KCNA3: variants seen among roughly 807,000 people sequenced by gnomAD.
KCNA3 encodes RP11-284N8.3.
In KCNA3, 18 loss-of-function variants were observed where a neutral mutation model predicts 34.3. That is an observed-to-expected ratio of 0.52 (90% CI 0.36 to 0.78). The LOEUF (loss-of-function observed/expected upper bound fraction) is 0.78, where lower values mean the gene tolerates loss of function less well. Among genes scored for constraint, KCNA3 ranks in the 30% least tolerant of loss-of-function variants. The pLI is 0.00. For synonymous variants in KCNA3, 324 were observed against 351.7 expected, an observed-to-expected ratio of 0.92 and a Z score of 0.88; for missense variants, 587 against 802.5, an observed-to-expected ratio of 0.73 and a Z score of 3.24.
chr1:110,659,271 C>T, the KCNA3 span, among the ~76,000 whole-genome samples: 16 of 151,474 alleles, frequency 1.1e-4, no homozygotes, highest in African/African-American at 2.4e-4. Context: ...TTGGATGATT[C>T]GATTTCATCA....
chr1:110,658,166 A>G, the KCNA3 span, among the ~76,000 whole-genome samples: 2 of 152,152 alleles, frequency 1.3e-5, no homozygotes, highest in East Asian at 3.8e-4. Flanking sequence ...TGTATCTCTT[A>G]TTTATCTATC....
chr1:110,661,774 T>A, the KCNA3 span, among the ~76,000 whole-genome samples: 1 of 151,948 alleles, frequency 6.6e-6, no homozygotes, highest in Non-Finnish European at 1.5e-5. Flanking sequence ...GAGGGGGTGG[T>A]AATTCAACGA....
chr1:110,661,917 G>T, the KCNA3 span, among the ~76,000 whole-genome samples: 1 of 151,956 alleles, frequency 6.6e-6, no homozygotes, highest in East Asian at 1.9e-4. Context: ...GACCATCTTG[G>T]CTAACAGGGT....
Position 110,674,310 on chromosome 1 carries a change from C to T in KCNA3, c.500G>A (p.Gly167Asp). The T allele has an allele frequency of 6.2e-7, 1 of 1,614,162 alleles. No individual in the cohort carries two copies. Among genetic ancestry groups the T allele is most frequent in the Non-Finnish European group, 8.5e-7 (1 of 1,180,026 alleles). Residue 167 changes from glycine (G) to aspartate (D), a missense_variant, in exon 1 of 1, where the codon GGC (glycine) becomes GAC (aspartate). Gly to Asp is a moderately conservative substitution (Grantham distance 94). This residue lies in a region of KCNA3 where 341 missense variants were observed against 355.4 expected (regional missense o/e 0.96). Transcript: ENST00000369769. This position sits in a 1 kb window ranked among gnomAD's most constrained non-coding sequence, Gnocchi z 6.4. ...DAILYYYQSG[G>D]RIRRPVNVPI... ...CACGTTGACCGGCCGGCGGATGCGG[C>T]CCCCGGACTGATAGTAGTAGAGGAT...
downstream of KCNA3, among the ~76,000 whole-genome samples, chr1:110,671,890 T>C (rs1165934456): frequency 6.6e-6 from 1 of 152,244 alleles, no homozygotes; most frequent in Non-Finnish European, 1.5e-5. Flanking sequence ...CATGCCTTAT[T>C]GTGGTTAATA....
the KCNA3 span, among the ~76,000 whole-genome samples, chr1:110,662,385 A>G: frequency 6.6e-6 from 1 of 151,096 alleles, no homozygotes; most frequent in African/African-American, 2.4e-5. Flanking sequence ...TGAAAGAAGT[A>G]CAGAAACCTA....
the KCNA3 span, among the ~76,000 whole-genome samples, chr1:110,663,676 T>C: frequency 6.6e-6 from 1 of 152,202 alleles, no homozygotes; most frequent in Non-Finnish European, 1.5e-5. Flanking sequence ...CTTTAGTTAG[T>C]TTCAGTCATT....
the KCNA3 span, among the ~76,000 whole-genome samples, chr1:110,667,197 C>T: frequency 6.6e-6 from 1 of 151,996 alleles, no homozygotes; most frequent in Non-Finnish European, 1.5e-5. Context: ...CTATAATGAA[C>T]AGAAGTTTAA....
the KCNA3 span, among the ~76,000 whole-genome samples, chr1:110,663,097 C>T: frequency 6.6e-6 from 1 of 152,036 alleles, no homozygotes; most frequent in Non-Finnish European, 1.5e-5. Context: ...GAGGTAAATA[C>T]AAAATGTAAT....
rs1166888730 is a variant in KCNA3 at position 110,672,868 on chromosome 1, G to A, written c.*214C>T. The A allele has an allele frequency of 1.8e-6, 1 of 557,966 alleles. No homozygotes were observed. The highest frequency in any genetic ancestry group is 3.3e-5 in the Admixed American group (1 of 30,358). The allele number at this position is 557,966 out of a possible 1,614,324, so 34.6% of individuals were successfully genotyped here. A position where few individuals can be genotyped will look rare whatever the true frequency, so the allele number is the denominator to read the frequency against. On this transcript the variant is annotated 3_prime_UTR_variant, in exon 1 of 1. Transcript: ENST00000369769. ...CAATGTTAAGAGAGAGAGGGTAAGA[G>A]GGAAAAGGAGAGCTGAGAGAATGCA...
the KCNA3 span, among the ~76,000 whole-genome samples, chr1:110,665,886 A>G: frequency 6.6e-6 from 1 of 152,178 alleles, no homozygotes; most frequent in Admixed American, 6.5e-5. Flanking sequence ...GTATCGTTAT[A>G]TGAGGTTACC....
chr1:110,662,444 T>C, the KCNA3 span, among the ~76,000 whole-genome samples: 44 of 152,134 alleles, frequency 2.9e-4, no homozygotes, highest in Non-Finnish European at 5.7e-4. Context: ...GAGAAAAGAG[T>C]TGAAGTCATT....
At chr1:110,666,943 A>T in the KCNA3 span, among the ~76,000 whole-genome samples, 2 of 152,218 alleles carry the variant, frequency 1.3e-5, no homozygotes, top group Non-Finnish European at 2.9e-5. Flanking sequence ...TTTATGCTGC[A>T]CATACAGAAT....
At chr1:110,660,804 A>G in the KCNA3 span, among the ~76,000 whole-genome samples, 2 of 152,352 alleles carry the variant, frequency 1.3e-5, no homozygotes, top group Middle Eastern at 6.8e-3. Flanking sequence ...TTTCTTAAGA[A>G]GAGGATAAAG....
rs1334422448 is a variant in KCNA3 at position 110,673,954 on chromosome 1, C to G, written c.856G>C (p.Ala286Pro). Residue 286 changes from alanine to proline, a missense_variant, in exon 1 of 1, where the codon GCA (alanine) becomes CCA (proline). By Grantham distance (27) the Ala-to-Pro change is conservative (BLOSUM62 -1). This residue lies in a region of KCNA3 where 50 missense variants were observed against 45.3 expected (regional missense o/e 1.10). Coordinates refer to ENST00000369769, the MANE Select transcript of KCNA3 (RefSeq NM_002232.5). The surrounding 1 kb of genome is among the most constrained non-coding windows in gnomAD (Gnocchi z 8.8). ...AAGNSTSGSR[A>P]GASSFSDPFF... Reference sequence around the variant, plus strand: ...GGATCGGAGAAGCTGGAGGCTCCTGCGCGGGACCCCGACGTGCTGTTGCCG... The same window carrying G: ...GGATCGGAGAAGCTGGAGGCTCCTGGGCGGGACCCCGACGTGCTGTTGCCG... The G allele has an allele frequency of 6.2e-7, 1 of 1,613,916 alleles. No homozygotes were observed.
chr1:110,666,679 G>C, the KCNA3 span, among the ~76,000 whole-genome samples: 1 of 152,144 alleles, frequency 6.6e-6, no homozygotes, highest in Non-Finnish European at 1.5e-5. Context: ...GAAATGTGAG[G>C]ATGCCATTAA....
At chr1:110,655,414 ATAC>A in the KCNA3 span, 5 of 152,262 alleles carry the variant, frequency 3.3e-5, no homozygotes, top group Middle Eastern at 3.4e-3. Flanking sequence ...ACCAGAAGAG[ATAC>A]TACTATGATT....
chr1:110,670,233 C>T (rs1028067595), downstream of KCNA3, among the ~76,000 whole-genome samples: 1 of 152,100 alleles, frequency 6.6e-6, no homozygotes, highest in Non-Finnish European at 1.5e-5. Context: ...TAAAAGGTGC[C>T]ACATTCTGTG....
At chr1:110,654,967 A>G in the KCNA3 span, 1 of 152,144 alleles carries the variant, frequency 6.6e-6, no homozygotes, top group African/African-American at 2.4e-5. Flanking sequence ...CTTTGCAAGT[A>G]TGATGTAAGC....
Sources: gnomAD v4.1 joint callset for allele counts (sites outside exome capture counted in the v4.1 genomes callset) on GRCh38, gnomAD v4.1.1 for gene constraint, gnomAD v4.1.1 regional missense constraint, Gnocchi (gnomAD v3.1) non-coding constraint, MANE v1.5 for transcripts, NCBI Gene and HGNC (gene_info 2026-07-23, HGNC 2026-07-21) for gene names.